Variants in LHFPL2 observed in about 807,000 individuals in gnomAD.
The protein encoded by LHFPL2 is LHFPL tetraspan subfamily member 2.
A neutral mutation model predicts 17.5 loss-of-function variants in LHFPL2; 7 were observed. That is an observed-to-expected ratio of 0.40 (90% confidence interval 0.23 to 0.75). LHFPL2 has a LOEUF of 0.75. Ranked by LOEUF, LHFPL2 falls within the 30% of genes least tolerant of loss-of-function variation. The pLI is 0.37. For synonymous variants in LHFPL2, 134 were observed against 116.2 expected (o/e 1.15, Z -0.99); for missense variants, 241 against 294.8 (o/e 0.82, Z 1.34).
chr5:78,528,215 C>T (rs1433855560), intron 3 of LHFPL2, among the ~76,000 whole-genome samples: 2 of 152,206 alleles, frequency 1.3e-5, no homozygotes, highest in Non-Finnish European at 2.9e-5. Flanking sequence ...CCATTTTATG[C>T]TCTAAGACTC....
chr5:78,600,309 A>G (rs145647052), intron 2 of LHFPL2, among the ~76,000 whole-genome samples: 1,771 of 152,078 alleles, frequency 0.012, 24 homozygotes, highest in African/African-American at 0.036. Flanking sequence ...CAAAGTTTCA[A>G]AGTAAGAGTT....
At chr5:78,578,122 C>T (rs556871501) in intron 2 of LHFPL2, among the ~76,000 whole-genome samples, 5 of 152,326 alleles carry the variant, frequency 3.3e-5, no homozygotes, top group East Asian at 1.9e-4. Flanking sequence ...CTAATCATTT[C>T]TTAGGAACTT....
At chr5:78,580,316 A>C (rs901739010) in intron 2 of LHFPL2, among the ~76,000 whole-genome samples, 1 of 152,030 alleles carries the variant, frequency 6.6e-6, no homozygotes, top group Non-Finnish European at 1.5e-5. Context: ...ACTGATGGTA[A>C]TTTCTTTTGC....
chr5:78,503,243 G>A (rs144131190), intron 4 of LHFPL2, among the ~76,000 whole-genome samples: 92 of 152,332 alleles, frequency 6.0e-4, no homozygotes, highest in African/African-American at 2.1e-3. Flanking sequence ...AATGTAATTT[G>A]AATATAGATC....
intron 3 of LHFPL2, among the ~76,000 whole-genome samples, chr5:78,551,197 T>TG (rs1390093950): frequency 6.6e-6 from 1 of 152,134 alleles, no homozygotes; most frequent in Non-Finnish European, 1.5e-5. Flanking sequence ...GGGAATTCCG[T>TG]GGGAAAAAAC....
chr5:78,541,100 T>C (rs924505269), intron 3 of LHFPL2, among the ~76,000 whole-genome samples: 4 of 152,112 alleles, frequency 2.6e-5, no homozygotes, highest in Non-Finnish European at 5.9e-5. Context: ...AGATAACTTG[T>C]CCCTTAATTA....
chr5:78,574,206 A>C (rs1757071616), intron 2 of LHFPL2, among the ~76,000 whole-genome samples: 1 of 152,218 alleles, frequency 6.6e-6, no homozygotes, highest in South Asian at 2.1e-4. Context: ...GGGCGTGAAG[A>C]TACTGGTCCG....
intron 3 of LHFPL2, among the ~76,000 whole-genome samples, chr5:78,556,909 G>A (rs1343045189): frequency 6.6e-6 from 1 of 152,022 alleles, no homozygotes; most frequent in African/African-American, 2.4e-5. Flanking sequence ...TATGAACTTG[G>A]GTGATTTTGA....
rs118092901 is a variant in LHFPL2, at chr5:78,495,789, G to A, written c.431-6636C>T. Among the ~76,000 whole-genome samples the A allele has an allele frequency of 3.7e-3, 560 of 152,336 alleles. 6 individuals are homozygous for A. The highest frequency in any genetic ancestry group is 0.013 in the African/African-American group (538 of 41,574). On this transcript the variant is annotated intron_variant, in intron 4 of 4. Transcript: ENST00000380345. ...GGCCCCACTTGGGAAGTTCCCAAGC[G>A]TGTCCACGGAGTGCATGCCATATGC...
chr5:78,644,241 G>T, intron 1 of LHFPL2: 1 of 684,280 alleles, frequency 1.5e-6, no homozygotes, highest in Non-Finnish European at 2.6e-6. Flanking sequence ...TTATAGATAA[G>T]AAAAAAAAAC....
chr5:78,500,451 C>G (rs919287092), intron 4 of LHFPL2, among the ~76,000 whole-genome samples: 3 of 152,176 alleles, frequency 2.0e-5, no homozygotes, highest in African/African-American at 7.2e-5. Flanking sequence ...GCATCTGGCT[C>G]TCGTGAAATC....
At position 78,487,904 on chromosome 5, in the gene LHFPL2, T is replaced by G. The variant is rs932062103; in HGVS notation, c.*993A>C. The G allele has an allele frequency of 2.6e-5, 4 of 152,220 alleles. No homozygotes were observed. The highest frequency in any genetic ancestry group is 9.6e-5 in the African/African-American group (4 of 41,458). 9.4% of individuals were successfully genotyped at this position (152,220 alleles called of 1,614,324 possible). ...TTGTTGTAGAATGCCATTCTGCTAC[T>G]GTCGGGATTGGAAATAGAGCTGACT... On this transcript the variant is annotated 3_prime_UTR_variant, in exon 5 of 5. Coordinates refer to ENST00000380345, the MANE Select transcript of LHFPL2 (RefSeq NM_005779.3).
chr5:78,547,273 G>A (rs914259823), intron 3 of LHFPL2, among the ~76,000 whole-genome samples: 1 of 152,216 alleles, frequency 6.6e-6, no homozygotes, highest in Admixed American at 6.5e-5. Flanking sequence ...CACAAACCAC[G>A]ATCTTGTGCT....
chr5:78,544,980 T>C (rs1162954335), intron 3 of LHFPL2, among the ~76,000 whole-genome samples: 3 of 152,164 alleles, frequency 2.0e-5, no homozygotes, highest in Non-Finnish European at 2.9e-5. Flanking sequence ...GTGCACGCAT[T>C]TCCTCTGGAT....
intron 2 of LHFPL2, among the ~76,000 whole-genome samples, chr5:78,581,150 T>C (rs1194717092): frequency 6.6e-6 from 1 of 152,214 alleles, no homozygotes; most frequent in Non-Finnish European, 1.5e-5. Flanking sequence ...TCTCTGTTTG[T>C]CTGTTGTTGG....
intron 2 of LHFPL2, among the ~76,000 whole-genome samples, chr5:78,576,176 T>C (rs1288299414): frequency 6.6e-6 from 1 of 151,952 alleles, no homozygotes; most frequent in Non-Finnish European, 1.5e-5. Context: ...GTGCCTGTAG[T>C]CCCAGCTACT....
chr5:78,577,876 C>T (rs1757171883), intron 2 of LHFPL2, among the ~76,000 whole-genome samples: 1 of 152,058 alleles, frequency 6.6e-6, no homozygotes, highest in South Asian at 2.1e-4. Flanking sequence ...GAACTTTCCA[C>T]TGAGCTACAC....
intron 3 of LHFPL2, among the ~76,000 whole-genome samples, chr5:78,510,754 G>A (rs771324489): frequency 6.6e-6 from 1 of 152,222 alleles, no homozygotes; most frequent in Non-Finnish European, 1.5e-5. Context: ...AAACAGCACA[G>A]GGATCCAGAG....
At chr5:78,499,585 G>T (rs1027988954) in intron 4 of LHFPL2, among the ~76,000 whole-genome samples, 1 of 152,274 alleles carries the variant, frequency 6.6e-6, no homozygotes, top group African/African-American at 2.4e-5. Flanking sequence ...CATTTGTCCA[G>T]CTGAAGAGGA....
Sources: allele counts gnomAD v4.1 joint callset (sites outside exome capture counted in the v4.1 genomes callset), GRCh38; gene constraint gnomAD v4.1.1; transcripts MANE v1.5; gene names NCBI Gene and HGNC (gene_info 2026-07-23, HGNC 2026-07-21).